The following STOML3 variants were observed in gnomAD, a reference collection of about 807,000 sequenced individuals.
STOML3 encodes the protein stomatin like 3.
A neutral mutation model predicts 29.5 loss-of-function variants in STOML3; 31 were observed. That is an observed-to-expected ratio of 1.05 (90% confidence interval 0.79 to 1.42). STOML3 has a LOEUF of 1.42. STOML3 is among the 40% of genes most tolerant of loss of function. STOML3 has a pLI of 0.00. For missense variants in STOML3, 380 were observed against 363.0 expected, an observed-to-expected ratio of 1.05 and a Z score of -0.38; for synonymous variants, 122 against 139.8, an observed-to-expected ratio of 0.87 and a Z score of 0.90.
Position 38,976,629 on chromosome 13 carries a change from G to A in STOML3, c.157-17C>T, listed in dbSNP as rs202188688. ...CTTAATGATCTAGGAGATTAAGGGC[G>A]AACGTTTAGTCCTAATGGTTTGTCA... On this transcript the variant is annotated splice_polypyrimidine_tract_variant and intron_variant, in intron 2 of 6. Transcript: ENST00000379631. 10 of 1,614,100 alleles carry A rather than the reference G, an allele frequency of 6.2e-6. No homozygotes were observed. The highest frequency in any genetic ancestry group is 2.2e-5 in the South Asian group (2 of 91,062).
chr13:38,975,988 A>C (rs1317444759), intron 3 of STOML3, among the ~76,000 whole-genome samples: 1 of 152,052 alleles, frequency 6.6e-6, no homozygotes, highest in African/African-American at 2.4e-5. Flanking sequence ...CAACTCATCA[A>C]ACTTATGTTG....
chr13:38,988,593 A>C (rs1288749863), intron 1 of STOML3, among the ~76,000 whole-genome samples: 1 of 90,756 alleles, frequency 1.1e-5, no homozygotes, highest in East Asian at 3.3e-4. Flanking sequence ...TTTTATATAT[A>C]ATATATTATA....
At chr13:38,970,420 T>G (rs1247556872) in intron 4 of STOML3, 32 bp from the exon 5 acceptor site, 1 of 1,586,126 alleles carries the variant, frequency 6.3e-7, no homozygotes, top group Non-Finnish European at 8.6e-7. Context: ...AAATCACTTA[T>G]TTATGACTTT....
chr13:38,970,651 A>G (rs1453123695), intron 4 of STOML3, among the ~76,000 whole-genome samples: 1 of 152,190 alleles, frequency 6.6e-6, no homozygotes, highest in East Asian at 1.9e-4. Flanking sequence ...TTGACTTGAC[A>G]TGCTAAGAAC....
Position 38,970,395 on chromosome 13 carries a change from A to G in STOML3, c.313-7T>C, listed in dbSNP as rs1880820085. ...CGGAGTCTCTGGTGAGGATCTGTGGAGTAAGAACAGGGCAAAATCACTTAT... is the reference window on the plus strand; with the variant it reads ...CGGAGTCTCTGGTGAGGATCTGTGGGGTAAGAACAGGGCAAAATCACTTAT... On this transcript the variant is annotated splice_region_variant and splice_polypyrimidine_tract_variant and intron_variant, in intron 4 of 6. Coordinates refer to ENST00000379631, the MANE Select transcript of STOML3 (RefSeq NM_145286.3). The G allele has an allele frequency of 6.2e-7, 1 of 1,612,706 alleles. No homozygotes were observed. The highest frequency in any genetic ancestry group is 2.2e-5 in the East Asian group (1 of 44,858).
At chr13:38,986,140 C>A (rs1013064805) in intron 1 of STOML3, among the ~76,000 whole-genome samples, 1 of 143,998 alleles carries the variant, frequency 6.9e-6, no homozygotes, top group African/African-American at 2.6e-5. Context: ...CTTCCAGGTT[C>A]AAGTGATTCT....
At chr13:38,990,593 T>C (rs1368330794) in intron 1 of STOML3, 77 bp downstream of exon 1, 13 of 1,462,542 alleles carry the variant, frequency 8.9e-6, no homozygotes, top group African/African-American at 1.4e-5. Context: ...ACTTACTCTA[T>C]ACCTGTCTAT....
At chr13:38,987,282 G>GT (rs1279886374) in intron 1 of STOML3, among the ~76,000 whole-genome samples, 1 of 152,056 alleles carries the variant, frequency 6.6e-6, no homozygotes, top group Admixed American at 6.6e-5. Context: ...TAGCACTTTG[G>GT]GAGGCTGAGG....
In STOML3 at chr13:38,968,376, A is replaced by G. The variant is rs567846588; in HGVS notation, c.651+24T>C. 8 of 1,612,688 alleles carry G rather than the reference A, an allele frequency of 5.0e-6. No homozygotes were observed. The African/African-American group carries it at 6.7e-5, about 13-fold the overall frequency. On this transcript the variant is annotated intron_variant, in intron 6 of 6. Coordinates refer to ENST00000379631, the MANE Select transcript of STOML3 (RefSeq NM_145286.3). ...CCCAACACTAGGCAGTTCTCCCTCCATGTGTGAACTGCACAACACTTACCT... is the reference window on the plus strand; with the variant it reads ...CCCAACACTAGGCAGTTCTCCCTCCGTGTGTGAACTGCACAACACTTACCT...
Position 38,987,876 on chromosome 13 carries a change from T to G in STOML3, c.52+2794A>C, listed in dbSNP as rs1455818270. 1.3e-4 allele frequency among the ~76,000 whole-genome samples: 10 copies of G among 74,164 alleles called. No individual in the cohort carries two copies. In the Admixed American group the frequency reaches 1.7e-3, roughly 13 times the overall value. 48.7% of individuals were successfully genotyped at this position (74,164 alleles called of 152,430 possible). On this transcript the variant is annotated intron_variant, in intron 1 of 6. Transcript: ENST00000379631. ...ATATTATATGTTATATATAATATAT[T>G]ATATTTTATATAATATATTATGTTA...
At chr13:38,970,970 G>C (rs2138007584) in intron 4 of STOML3, among the ~76,000 whole-genome samples, 1 of 152,202 alleles carries the variant, frequency 6.6e-6, no homozygotes, top group South Asian at 2.1e-4. Flanking sequence ...GTCCATTACA[G>C]AGCTAGAAAA....
At chr13:38,988,194 T>TTTTATATCA (rs1236096302) in intron 1 of STOML3, among the ~76,000 whole-genome samples, 4 of 60,482 alleles carry the variant, frequency 6.6e-5, no homozygotes, top group African/African-American at 1.1e-4. Context: ...ATAAAATATA[T>TTTTATATCA]TATATTTCAT....
intron 1 of STOML3, among the ~76,000 whole-genome samples, chr13:38,979,654 C>T (rs1188443771): frequency 6.6e-6 from 1 of 152,188 alleles, no homozygotes; most frequent in South Asian, 2.1e-4. Flanking sequence ...TGCCATCTTA[C>T]ACCTGTGTCT....
At chr13:38,990,092 A>G (rs1396953680) in intron 1 of STOML3, among the ~76,000 whole-genome samples, 2 of 152,202 alleles carry the variant, frequency 1.3e-5, no homozygotes, top group African/African-American at 4.8e-5. Flanking sequence ...TTTGTAACAC[A>G]TAATAGTCAT....
Position 38,973,108 on chromosome 13 carries a change from A to C in STOML3, c.230-514T>G, listed in dbSNP as rs1197289635. Among the ~76,000 whole-genome samples, 429 of 142,492 alleles carry C rather than the reference A, an allele frequency of 3.0e-3. 9 individuals are homozygous for C. The highest frequency in any genetic ancestry group is 9.9e-3 in the African/African-American group (366 of 37,114). The allele number at this position is 142,492 out of a possible 152,430, so 93.5% of individuals were successfully genotyped here. ...GCCCCGTCTCTACTAAAAAAAAAAAAAAAAAAAAAAAAAAAAAAAAAAAAT... is the reference window on the plus strand; with the variant it reads ...GCCCCGTCTCTACTAAAAAAAAAAACAAAAAAAAAAAAAAAAAAAAAAAAT... On this transcript the variant is annotated intron_variant, in intron 3 of 6. Transcript: ENST00000379631.
chr13:38,983,075 T>C (rs1881323338), intron 1 of STOML3, among the ~76,000 whole-genome samples: 1 of 152,118 alleles, frequency 6.6e-6, no homozygotes, highest in South Asian at 2.1e-4. Flanking sequence ...AATACCCCAC[T>C]CTTTCCTCTT....
At chr13:38,982,185 G>C (rs1881288642) in intron 1 of STOML3, among the ~76,000 whole-genome samples, 1 of 151,784 alleles carries the variant, frequency 6.6e-6, no homozygotes, top group South Asian at 2.1e-4. Flanking sequence ...CTAAATTTTA[G>C]ACGGGCTTCT....
chr13:38,976,933 C>T (rs950918263), intron 1 of STOML3, 136 bp from the exon 2 acceptor site: 1 of 684,492 alleles, frequency 1.5e-6, no homozygotes, highest in Non-Finnish European at 2.6e-6. Context: ...TCCATTTACA[C>T]CATGGATGTA....
chr13:38,986,454 T>C (rs1384015394), intron 1 of STOML3, among the ~76,000 whole-genome samples: 1 of 152,120 alleles, frequency 6.6e-6, no homozygotes, highest in African/African-American at 2.4e-5. Context: ...AAATTAGAAG[T>C]ATGTGGAATG....
Sources: gnomAD v4.1 joint callset for allele counts (sites outside exome capture counted in the v4.1 genomes callset) on GRCh38, gnomAD v4.1.1 for gene constraint, MANE v1.5 for transcripts, NCBI Gene and HGNC (gene_info 2026-07-23, HGNC 2026-07-21) for gene names.